EXOC4: variants seen among roughly 807,000 people sequenced by gnomAD.
The protein encoded by EXOC4 is exocyst complex component 4.
Under a neutral mutation model 107.2 loss-of-function variants are expected in EXOC4, and 71 were observed. The observed-to-expected ratio is 0.66, with a 90% CI of 0.55 to 0.81. EXOC4 has a LOEUF of 0.81. Ranked by LOEUF, EXOC4 falls within the 30% of genes least tolerant of loss-of-function variation. The pLI, the probability that EXOC4 is intolerant of heterozygous loss-of-function variation, is 0.00. For missense variants in EXOC4, 1,108 were observed against 1,189.6 expected (o/e 0.93, Z 1.01); for synonymous variants, 456 against 441.2 (o/e 1.03, Z -0.42).
In EXOC4 at chr7:133,754,032, G is replaced by T. The variant is rs143750025; in HGVS notation, c.1515-63293G>T. On this transcript the variant is annotated intron_variant, in intron 10 of 17. Transcript: ENST00000253861. ...CCCACAATAATGTGTCAGTCACGTA[G>T]AGGATGTTTTGAATGGGGGCAAAAC... 2.6e-5 allele frequency among the ~76,000 whole-genome samples: 4 copies of T among 152,276 alleles called. No homozygotes were observed. The East Asian group carries it at 7.7e-4, about 29-fold the overall frequency.
chr7:133,370,531 G>A (rs550655942), intron 6 of EXOC4, among the ~76,000 whole-genome samples: 3 of 152,092 alleles, frequency 2.0e-5, no homozygotes, highest in African/African-American at 4.8e-5. Context: ...GAGGGATGAC[G>A]TTGAGTTCTG....
At chr7:133,584,286 C>A (rs1303163835) in intron 9 of EXOC4, among the ~76,000 whole-genome samples, 1 of 152,090 alleles carries the variant, frequency 6.6e-6, no homozygotes. Flanking sequence ...GACTTGAGAA[C>A]AGAATCTTGG....
intron 7 of EXOC4, among the ~76,000 whole-genome samples, chr7:133,409,322 A>G (rs929666074): frequency 6.6e-6 from 1 of 152,352 alleles, no homozygotes; most frequent in East Asian, 1.9e-4. Context: ...GAATGTTCCT[A>G]TAGCACAAGT....
chr7:133,582,096 G>A (rs1324931398), intron 9 of EXOC4, among the ~76,000 whole-genome samples: 2 of 152,136 alleles, frequency 1.3e-5, no homozygotes, highest in African/African-American at 4.8e-5. Context: ...TATGTGTGGG[G>A]ACACAGAGTC....
intron 9 of EXOC4, chr7:133,480,816 G>A (rs1199885132): frequency 6.6e-6 from 1 of 152,148 alleles, no homozygotes; most frequent in Non-Finnish European, 1.5e-5. Flanking sequence ...CACTTTGGGA[G>A]ACTGAGGCAG....
chr7:133,705,094 T>G (rs1354086577), intron 10 of EXOC4, among the ~76,000 whole-genome samples: 1 of 152,184 alleles, frequency 6.6e-6, no homozygotes, highest in African/African-American at 2.4e-5. Context: ...GCAGGCACGG[T>G]GGCTCATGCC....
intron 10 of EXOC4, among the ~76,000 whole-genome samples, chr7:133,646,304 A>T (rs924813715): frequency 6.6e-6 from 1 of 152,176 alleles, no homozygotes; most frequent in African/African-American, 2.4e-5. Flanking sequence ...AGTATTTTTC[A>T]TAGCTTGGAA....
chr7:133,992,608 C>G (rs887312569), intron 14 of EXOC4, among the ~76,000 whole-genome samples: 1 of 151,664 alleles, frequency 6.6e-6, no homozygotes, highest in South Asian at 2.1e-4. Context: ...GATTTTGTAT[C>G]CTGCAACTGT....
intron 14 of EXOC4, among the ~76,000 whole-genome samples, chr7:133,971,869 C>T (rs577911120): frequency 2.3e-4 from 35 of 152,242 alleles, no homozygotes; most frequent in Non-Finnish European, 4.7e-4. Context: ...GCAGTCAGGC[C>T]TGCTTATCAC....
At chr7:133,823,870 T>TATAA (rs1420436306) in intron 11 of EXOC4, among the ~76,000 whole-genome samples, 3 of 12,310 alleles carry the variant, frequency 2.4e-4, no homozygotes, top group African/African-American at 2.0e-3. Flanking sequence ...TATATATATA[T>TATAA]ATTATATATA....
intron 9 of EXOC4, among the ~76,000 whole-genome samples, chr7:133,626,924 T>C (rs947347360): frequency 6.6e-6 from 1 of 152,212 alleles, no homozygotes; most frequent in Non-Finnish European, 1.5e-5. Flanking sequence ...GACAGTTGCT[T>C]ACATTGATTC....
At chr7:134,047,026 C>T (rs569264109) in intron 17 of EXOC4, among the ~76,000 whole-genome samples, 2 of 152,318 alleles carry the variant, frequency 1.3e-5, no homozygotes, top group East Asian at 3.9e-4. Context: ...CTGGTGTGAT[C>T]AAATTGGTAC....
intron 7 of EXOC4, among the ~76,000 whole-genome samples, chr7:133,424,733 A>T (rs896543849): frequency 6.6e-6 from 1 of 152,262 alleles, no homozygotes; most frequent in Non-Finnish European, 1.5e-5. Context: ...AGCACTATGA[A>T]TAGAGTCAGT....
chr7:133,768,936 A>G (rs1315204321), intron 10 of EXOC4, among the ~76,000 whole-genome samples: 1 of 151,988 alleles, frequency 6.6e-6, no homozygotes, highest in Non-Finnish European at 1.5e-5. Context: ...ACGACACTTA[A>G]ACTGAGTCTT....
chr7:133,943,474 A>G (rs1800479080), intron 14 of EXOC4, among the ~76,000 whole-genome samples: 1 of 152,200 alleles, frequency 6.6e-6, no homozygotes, highest in African/African-American at 2.4e-5. Context: ...TAAAATCTTT[A>G]CTATATTAAC....
intron 10 of EXOC4, among the ~76,000 whole-genome samples, chr7:133,702,922 T>G (rs1451775141): frequency 1.3e-5 from 2 of 152,250 alleles, no homozygotes; most frequent in African/African-American, 4.8e-5. Context: ...TTATCGTCAC[T>G]ATTATCACAA....
chr7:134,094,795 TAAA>T, the EXOC4 span, among the ~76,000 whole-genome samples: 1 of 151,990 alleles, frequency 6.6e-6, no homozygotes, highest in South Asian at 2.1e-4. Context: ...CGATTCATAA[TAAA>T]AACCCCAACA....
intron 14 of EXOC4, among the ~76,000 whole-genome samples, chr7:133,994,676 C>T (rs145657323): frequency 4.6e-5 from 7 of 152,106 alleles, no homozygotes; most frequent in East Asian, 1.9e-4. Flanking sequence ...AAGCCCAATA[C>T]GCGTGGGCTC....
At chr7:133,976,115 G>A (rs1208763395) in intron 14 of EXOC4, among the ~76,000 whole-genome samples, 6 of 152,178 alleles carry the variant, frequency 3.9e-5, no homozygotes, top group Non-Finnish European at 1.5e-5. Context: ...CTAAAGCCTA[G>A]AATGACTTAA....
Sources: allele counts gnomAD v4.1 joint callset (sites outside exome capture counted in the v4.1 genomes callset), GRCh38; gene constraint gnomAD v4.1.1; transcripts MANE v1.5; gene names NCBI Gene and HGNC (gene_info 2026-07-23, HGNC 2026-07-21).